The following KDM3B variants were observed in gnomAD, a reference collection of about 807,000 sequenced individuals.
KDM3B encodes the protein lysine demethylase 3B.
Under a neutral mutation model 170.0 loss-of-function variants are expected in KDM3B, and 10 were observed. The ratio of observed to expected loss-of-function variants is 0.06; its 90% CI spans 0.04 to 0.10. The LOEUF (loss-of-function observed/expected upper bound fraction) is 0.10. Among genes scored for constraint, KDM3B ranks in the 10% least tolerant of loss-of-function variants. The pLI, the probability that KDM3B is intolerant of heterozygous loss-of-function variation, is 1.00. For missense variants in KDM3B, 1,394 were observed against 2,195.2 expected (o/e 0.64, Z 7.29); for synonymous variants, 831 against 834.8 (o/e 1.00, Z 0.08).
rs574597456 is a variant in KDM3B, at chr5:138,411,505, C to T, written c.3200-3627C>T. Among the ~76,000 whole-genome samples the T allele has an allele frequency of 7.9e-4, 120 of 152,114 alleles. 4 individuals are homozygous for T. The South Asian group carries it at 0.019, about 24-fold the overall frequency. On this transcript the variant is annotated intron_variant, in intron 11 of 23. Transcript: ENST00000314358. Reference sequence around the variant, plus strand: ...TTGCCTCGGCGCCTGGGTGGCTTGCCGCCCACAAACCTCTGTCTTTACCTC... The same window carrying T: ...TTGCCTCGGCGCCTGGGTGGCTTGCTGCCCACAAACCTCTGTCTTTACCTC...
chr5:138,358,957 C>A (rs1761527996), intron 1 of KDM3B, among the ~76,000 whole-genome samples: 1 of 142,136 alleles, frequency 7.0e-6, no homozygotes, highest in African/African-American at 2.6e-5. Context: ...CCCTACCCCA[C>A]AACAGTCTTC....
chr5:138,394,494 G>C (rs2269949), intron 9 of KDM3B, among the ~76,000 whole-genome samples: 38,848 of 152,140 alleles, frequency 0.26, 5,614 homozygotes, highest in East Asian at 0.56. Flanking sequence ...GATGATCTGA[G>C]AAAGTGAGAG....
At position 138,353,079 on chromosome 5, in the gene KDM3B, G is replaced by C; in HGVS notation, c.192+92G>C. On this transcript the variant is annotated intron_variant, in intron 1 of 23. Transcript: ENST00000314358. Reference sequence around the variant, plus strand: ...GCCTTTGTGAGGGGGCGGTGGGATGGGGGTGACCCATTTCCGTGCCCCCGG... The same window carrying C: ...GCCTTTGTGAGGGGGCGGTGGGATGCGGGTGACCCATTTCCGTGCCCCCGG... The C allele has an allele frequency of 9.5e-6, 9 of 947,454 alleles. 1 individual carries two copies. The highest frequency in any genetic ancestry group is 1.2e-5 in the Non-Finnish European group (9 of 738,814). 58.7% of individuals were successfully genotyped at this position (947,454 alleles called of 1,614,324 possible). A position where few individuals can be genotyped will look rare whatever the true frequency, so the allele number is the denominator to read the frequency against.
Position 138,391,716 on chromosome 5 carries a change from C to G in KDM3B, c.2084C>G (p.Thr695Arg), listed in dbSNP as rs1762435750. The change falls in exon 8 of 24, where the codon ACA becomes AGA. Residue 695 changes from threonine to arginine, a missense_variant. By Grantham distance (71) the Thr-to-Arg change is moderately conservative. This residue lies in a region of KDM3B where 294 missense variants were observed against 311.7 expected (regional missense o/e 0.94). Coordinates refer to ENST00000314358, the MANE Select transcript of KDM3B (RefSeq NM_016604.4). The surrounding 1 kb of genome is among the most constrained non-coding windows in gnomAD (Gnocchi z 5.0). ...GCAAAGAAGAAACCCCTCTTCATTA[C>G]AACTGACTCCTCCAAGCTAGTATCT... ...SLAKKKPLFI[T>R]TDSSKLVSGV... 6.2e-7 allele frequency: 1 copy of G among 1,614,112 alleles called. No individual in the cohort carries two copies. The highest frequency in any genetic ancestry group is 1.3e-5 in the African/African-American group (1 of 75,048).
rs185648584 is a variant in KDM3B at position 138,387,885 on chromosome 5, T to G, written c.1380+1264T>G. Among the ~76,000 whole-genome samples, 355 of 152,144 alleles carry G rather than the reference T, an allele frequency of 2.3e-3. 1 individual carries two copies. Among genetic ancestry groups the G allele is most frequent in the Non-Finnish European group, 4.0e-3 (275 of 68,004 alleles). ...TCACAAGGTCAGGAGATCAAGACCA[T>G]CCTGGCTAACACGGTGAAACCCCAT... On this transcript the variant is annotated intron_variant, in intron 7 of 23. Coordinates refer to ENST00000314358, the MANE Select transcript of KDM3B (RefSeq NM_016604.4).
At chr5:138,392,720 G>C (rs1310250658) in intron 8 of KDM3B, among the ~76,000 whole-genome samples, 2 of 152,156 alleles carry the variant, frequency 1.3e-5, no homozygotes, top group Non-Finnish European at 2.9e-5. Flanking sequence ...GATTTTAACA[G>C]CTCTATCAAA....
chr5:138,396,598 G>A (rs1387535164), intron 9 of KDM3B, among the ~76,000 whole-genome samples: 1 of 152,154 alleles, frequency 6.6e-6, no homozygotes, highest in African/African-American at 2.4e-5. Context: ...GTGATAGGAT[G>A]TAGTAGGAGA....
intron 1 of KDM3B, among the ~76,000 whole-genome samples, chr5:138,370,860 G>A (rs1400597811): frequency 6.6e-6 from 1 of 151,778 alleles, no homozygotes; most frequent in African/African-American, 2.4e-5. Context: ...CCAGGCTGGA[G>A]TGCAGTGGCA....
intron 14 of KDM3B, among the ~76,000 whole-genome samples, chr5:138,419,686 TATAC>T (rs1763211677): frequency 7.8e-6 from 1 of 127,522 alleles, no homozygotes; most frequent in African/African-American, 3.0e-5. Flanking sequence ...TATATATATA[TATAC>T]ATATATATAT....
At chr5:138,412,366 A>AAATAGCCC (rs1762992774) in intron 11 of KDM3B, among the ~76,000 whole-genome samples, 1 of 151,420 alleles carries the variant, frequency 6.6e-6, no homozygotes, top group South Asian at 2.1e-4. Flanking sequence ...AAGAAAATGA[A>AAATAGCCC]AATAGCCCAG....
rs192668451 is a variant in KDM3B, at chr5:138,377,255, T to C, written c.475-465T>C. On this transcript the variant is annotated intron_variant, in intron 3 of 23. Transcript: ENST00000314358. Reference sequence around the variant, plus strand: ...GATTTGCGAGGAATACAATGTTTTATGGTCAGATAAGTATGAGAAACACTG... The same window carrying C: ...GATTTGCGAGGAATACAATGTTTTACGGTCAGATAAGTATGAGAAACACTG... 2.9e-3 allele frequency among the ~76,000 whole-genome samples: 441 copies of C among 152,386 alleles called. 2 individuals are homozygous for C. The highest frequency in any genetic ancestry group is 9.7e-3 in the African/African-American group (403 of 41,600).
Position 138,386,230 on chromosome 5 carries a change from G to C in KDM3B, c.989G>C (p.Ser330Thr), listed in dbSNP as rs1347095378. 2 of 1,614,098 alleles carry C rather than the reference G, an allele frequency of 1.2e-6. No homozygotes were observed. The highest frequency in any genetic ancestry group is 1.3e-5 in the African/African-American group (1 of 74,944). ...GGGCCCTGGAAAGGAGGGAATGCCA[G>C]TGGAGAGCCAGGGCTGGATCAGAGA... ...SRGPWKGGNA[S>T]GEPGLDQRAK... Residue 330 changes from serine to threonine, a missense_variant, in exon 7 of 24, where the codon AGT becomes ACT. Coordinates refer to ENST00000314358, the MANE Select transcript of KDM3B (RefSeq NM_016604.4).
chr5:138,366,867 G>A (rs1458984922), intron 1 of KDM3B, among the ~76,000 whole-genome samples: 1 of 152,088 alleles, frequency 6.6e-6, no homozygotes, highest in Non-Finnish European at 1.5e-5. Context: ...GAACACTCCT[G>A]GCCAAACAAC....
chr5:138,390,676 T>C (rs934828842), intron 7 of KDM3B, among the ~76,000 whole-genome samples: 1 of 152,156 alleles, frequency 6.6e-6, no homozygotes, highest in African/African-American at 2.4e-5. Flanking sequence ...TCCAGTTCCT[T>C]AGAGGAGCTC....
chr5:138,427,445 T>C, intron 19 of KDM3B, 126 bp downstream of exon 19: 1 of 1,063,686 alleles, frequency 9.4e-7, no homozygotes, highest in South Asian at 1.6e-5. Flanking sequence ...AAGTGAATAG[T>C]ATCCAAGGTG....
In KDM3B at chr5:138,372,769, T is replaced by G; in HGVS notation, c.288T>G (p.Leu96=). 1 of 1,614,140 alleles carries G rather than the reference T, an allele frequency of 6.2e-7. No homozygotes were observed. The highest frequency in any genetic ancestry group is 8.5e-7 in the Non-Finnish European group (1 of 1,180,016). Residue 96 remains leucine (L), a synonymous_variant, in exon 2 of 24, where the codon CTT becomes CTG. Transcript: ENST00000314358. ...EVIVLLLEGS[L]VWAPREDPVL... ...TCGTGCTTCTGCTGGAAGGGTCTCT[T>G]GTATGGGCGCCCCGTGAGGACCCAG...
chr5:138,401,412 A>T (rs920155702), intron 11 of KDM3B, among the ~76,000 whole-genome samples: 1 of 152,104 alleles, frequency 6.6e-6, no homozygotes, highest in Non-Finnish European at 1.5e-5. Flanking sequence ...CACTTAGTGT[A>T]ATGTTTTAAA....
In KDM3B at chr5:138,392,095, G is replaced by A; in HGVS notation, c.2463G>A (p.Leu821=). 1 of 1,611,638 alleles carries A rather than the reference G, an allele frequency of 6.2e-7. No individual in the cohort carries two copies. ...GCACCAACAGTGACCTGTCAGATTT[G>A]AGTGACTCTGAGGAGCAGCTGCAGG... ...DSSTNSDLSD[L]SDSEEQLQAK... is the part of the protein sequence containing the mutation. The change falls in exon 8 of 24, where the codon TTG becomes TTA. Residue 821 remains leucine (L), a synonymous_variant. Coordinates refer to ENST00000314358, the MANE Select transcript of KDM3B (RefSeq NM_016604.4).
intron 7 of KDM3B, 128 bp from the exon 8 acceptor site, chr5:138,390,885 G>A: frequency 1.2e-6 from 1 of 828,436 alleles, no homozygotes; most frequent in African/African-American, 1.7e-5. Context: ...CAGATCCATG[G>A]AATTGTAAAA....
Sources: allele counts gnomAD v4.1 joint callset (sites outside exome capture counted in the v4.1 genomes callset), GRCh38; gene constraint gnomAD v4.1.1; regional missense constraint gnomAD v4.1.1; non-coding constraint Gnocchi (gnomAD v3.1); transcripts MANE v1.5; gene names NCBI Gene and HGNC (gene_info 2026-07-23, HGNC 2026-07-21).